The following UBE3D variants were observed in gnomAD, a reference collection of about 807,000 sequenced individuals.
The protein encoded by UBE3D is ubiquitin protein ligase E3D.
Under a neutral mutation model 49.6 loss-of-function variants are expected in UBE3D, and 48 were observed. That is an observed-to-expected ratio of 0.97 (90% CI 0.77 to 1.23). UBE3D has a LOEUF of 1.23. UBE3D is among the 50% of genes most tolerant of loss of function. The pLI, the probability that UBE3D is intolerant of heterozygous loss-of-function variation, is 0.00. For missense variants in UBE3D, 452 were observed against 468.4 expected, an observed-to-expected ratio of 0.96 and a Z score of 0.32; for synonymous variants, 189 against 174.2, an observed-to-expected ratio of 1.08 and a Z score of -0.67.
chr6:83,057,383 T>G (rs962483922), intron 2 of UBE3D, among the ~76,000 whole-genome samples: 22 of 30,952 alleles, frequency 7.1e-4, no homozygotes, highest in African/African-American at 2.3e-3. Context: ...TCCCCTACCT[T>G]GTTCACTCTG....
chr6:83,018,368 A>G lies in UBE3D; in HGVS notation c.1010+605T>C, dbSNP rs138245083. ...GAATCTTCCCTGACTTTGCAATATAAAATGACATCCTACTCCCATCCTACC... is the reference window on the plus strand; with the variant it reads ...GAATCTTCCCTGACTTTGCAATATAGAATGACATCCTACTCCCATCCTACC... On this transcript the variant is annotated intron_variant, in intron 8 of 9. Transcript: ENST00000369747. The G allele has an allele frequency of 2.8e-3, 423 of 152,320 alleles. 1 individual carries two copies. The highest frequency in any genetic ancestry group is 0.017 in the Middle Eastern group (5 of 294). The allele number at this position is 152,320 out of a possible 1,614,324, so 9.4% of individuals were successfully genotyped here. A position where few individuals can be genotyped will look rare whatever the true frequency, so the allele number is the denominator to read the frequency against.
At chr6:82,977,113 CAAAAAAAAAA>C (rs58424434) in intron 8 of UBE3D, among the ~76,000 whole-genome samples, 1 of 42,572 alleles carries the variant, frequency 2.3e-5, no homozygotes, top group Non-Finnish European at 3.7e-5. Context: ...GACTCCATCT[CAAAAAAAAAA>C]AAAAAAAAAA....
chr6:83,031,643 CGTAA>C (rs1330283477), intron 5 of UBE3D, among the ~76,000 whole-genome samples: 1 of 152,156 alleles, frequency 6.6e-6, no homozygotes, highest in Admixed American at 6.5e-5. Flanking sequence ...CAGAAATTTG[CGTAA>C]GTAACAAGGA....
At chr6:83,041,823 T>C (rs569549228) in intron 4 of UBE3D, among the ~76,000 whole-genome samples, 1 of 152,294 alleles carries the variant, frequency 6.6e-6, no homozygotes. Context: ...TAATCAAAGA[T>C]CAATTTTATT....
chr6:82,968,794 G>A (rs1427953543), intron 8 of UBE3D, among the ~76,000 whole-genome samples: 1 of 152,090 alleles, frequency 6.6e-6, no homozygotes, highest in East Asian at 1.9e-4. Flanking sequence ...TAGTGAACTA[G>A]AGTTTCTTTT....
At chr6:82,942,394 G>A (rs293521) in intron 9 of UBE3D, among the ~76,000 whole-genome samples, 8,000 of 152,318 alleles carry the variant, frequency 0.053, 286 homozygotes, top group Non-Finnish European at 0.082. Flanking sequence ...GGGAAAAAAT[G>A]CAAGCTGGCT....
chr6:82,906,301 C>T (rs1772095623), intron 9 of UBE3D, among the ~76,000 whole-genome samples: 1 of 152,068 alleles, frequency 6.6e-6, no homozygotes, highest in Non-Finnish European at 1.5e-5. Context: ...TTTTGTTCTG[C>T]AGAGTTTTCC....
chr6:83,041,544 A>G (rs1251239231), intron 4 of UBE3D, among the ~76,000 whole-genome samples: 1 of 152,210 alleles, frequency 6.6e-6, no homozygotes, highest in Non-Finnish European at 1.5e-5. Flanking sequence ...AGATGTAGGG[A>G]TAAAATGACA....
intron 1 of UBE3D, among the ~76,000 whole-genome samples, chr6:83,063,948 C>T (rs1007067160): frequency 6.6e-6 from 1 of 152,118 alleles, no homozygotes; most frequent in African/African-American, 2.4e-5. Context: ...GTTATGACAG[C>T]TGTATTCATA....
chr6:82,968,096 G>A (rs1208866531), intron 8 of UBE3D, among the ~76,000 whole-genome samples: 2 of 151,974 alleles, frequency 1.3e-5, no homozygotes, highest in African/African-American at 4.8e-5. Flanking sequence ...CAGGTTTTAG[G>A]GTGAACATTA....
chr6:83,052,317 A>G (rs545225275), intron 3 of UBE3D, among the ~76,000 whole-genome samples: 26 of 152,292 alleles, frequency 1.7e-4, no homozygotes, highest in African/African-American at 6.0e-4. Flanking sequence ...CTGCACTCTC[A>G]AAAGAGTAGG....
At chr6:82,885,161 G>GAA in the UBE3D span, among the ~76,000 whole-genome samples, 30 of 144,328 alleles carry the variant, frequency 2.1e-4, no homozygotes, top group Admixed American at 1.2e-3. Context: ...AAGTAGAATA[G>GAA]AAAAAAAAAA....
intron 1 of UBE3D, among the ~76,000 whole-genome samples, chr6:83,062,958 C>T (rs1424542022): frequency 6.6e-6 from 1 of 152,048 alleles, no homozygotes; most frequent in Non-Finnish European, 1.5e-5. Context: ...AATGTGAAAG[C>T]TAAAACGATA....
At chr6:83,031,951 T>C (rs1201076789) in intron 5 of UBE3D, among the ~76,000 whole-genome samples, 1 of 152,124 alleles carries the variant, frequency 6.6e-6, no homozygotes, top group Non-Finnish European at 1.5e-5. Flanking sequence ...TTTGGGAACC[T>C]CCACCAAGAT....
At chr6:82,887,202 T>C in the UBE3D span, among the ~76,000 whole-genome samples, 2 of 151,022 alleles carry the variant, frequency 1.3e-5, no homozygotes, top group African/African-American at 4.9e-5. Context: ...CAGGTGCCTG[T>C]AGTCTACTTG....
chr6:83,029,339 G>A (rs1781703145), intron 5 of UBE3D, among the ~76,000 whole-genome samples: 1 of 152,044 alleles, frequency 6.6e-6, no homozygotes, highest in Non-Finnish European at 1.5e-5. Flanking sequence ...TAATCTGTAA[G>A]TTCAATAATT....
intron 3 of UBE3D, among the ~76,000 whole-genome samples, chr6:83,053,188 A>G (rs116547980): frequency 2.8e-4 from 1 of 3,584 alleles, no homozygotes; most frequent in African/African-American, 7.9e-4. Flanking sequence ...GTGTAGCCCA[A>G]GACAGCCGAA....
intron 8 of UBE3D, among the ~76,000 whole-genome samples, chr6:83,005,840 G>C: frequency 6.6e-6 from 1 of 152,146 alleles, no homozygotes. Flanking sequence ...ATACTACTAT[G>C]TGAATAAAAC....
chr6:82,921,499 C>G (rs1773334280), intron 9 of UBE3D, among the ~76,000 whole-genome samples: 2 of 152,130 alleles, frequency 1.3e-5, no homozygotes. Flanking sequence ...CCCTGAGATC[C>G]TTCCTTCTTC....
Sources: gnomAD v4.1 joint callset for allele counts (sites outside exome capture counted in the v4.1 genomes callset) on GRCh38, gnomAD v4.1.1 for gene constraint, MANE v1.5 for transcripts, NCBI Gene and HGNC (gene_info 2026-07-23, HGNC 2026-07-21) for gene names.